TMEM196: variants seen among roughly 807,000 people sequenced by gnomAD.
The protein encoded by TMEM196 is transmembrane protein 196.
In TMEM196, 17 loss-of-function variants were observed where a neutral mutation model predicts 20.0. The ratio of observed to expected loss-of-function variants is 0.85; its 90% CI spans 0.58 to 1.27. The LOEUF is 1.27. Among genes scored for constraint, TMEM196 ranks in the 50% most tolerant of loss-of-function variants. The probability of loss-of-function intolerance (pLI) is 0.00; values close to 1 mark genes in which losing one functional copy is unlikely to be tolerated. For missense variants in TMEM196, 267 were observed against 223.0 expected (o/e 1.20, Z -1.26); for synonymous variants, 113 against 88.9 (o/e 1.27, Z -1.52).
chr7:19,734,853 T>C (rs1313633200), intron 1 of TMEM196, among the ~76,000 whole-genome samples: 4 of 152,074 alleles, frequency 2.6e-5, no homozygotes, highest in Non-Finnish European at 5.9e-5. Context: ...CTCAAAAATA[T>C]TATTCCACAT....
chr7:19,760,325 A>G lies in TMEM196; in HGVS notation c.147+12225T>C, dbSNP rs537008828. On this transcript the variant is annotated intron_variant, in intron 1 of 4. Transcript: ENST00000405844. ...TTCCCACTGTTAAGAAAGTTATTTT[A>G]TATTCTTCATAAGCCTATATATTTT... Among the ~76,000 whole-genome samples, 11 of 107,786 alleles carry G rather than the reference A, an allele frequency of 1.0e-4. No individual in the cohort carries two copies. The South Asian group carries it at 3.4e-3, about 34-fold the overall frequency. 70.7% of individuals were successfully genotyped at this position (107,786 alleles called of 152,430 possible).
intron 1 of TMEM196, among the ~76,000 whole-genome samples, chr7:19,746,697 A>T (rs774126514): frequency 1.3e-5 from 2 of 152,232 alleles, no homozygotes; most frequent in East Asian, 1.9e-4. Context: ...ATCATAGCAG[A>T]TAACTCTTTA....
At chr7:19,733,159 C>T (rs566805981) in intron 1 of TMEM196, among the ~76,000 whole-genome samples, 1 of 152,104 alleles carries the variant, frequency 6.6e-6, no homozygotes, top group African/African-American at 2.4e-5. Context: ...TCATTTGATT[C>T]CAATTTAGAT....
rs989963509 is a variant in TMEM196 at position 19,765,959 on chromosome 7, C to T, written c.147+6591G>A. Among the ~76,000 whole-genome samples, 2 of 152,028 alleles carry T rather than the reference C, an allele frequency of 1.3e-5. 1 individual carries two copies. The highest frequency in any genetic ancestry group is 4.2e-4 in the South Asian group (2 of 4,818). On this transcript the variant is annotated intron_variant, in intron 1 of 4. Coordinates refer to ENST00000405844, the MANE Select transcript of TMEM196 (RefSeq NM_001363562.2). ...GAGCATCACTAGTGGACTCTAGGTC[C>T]TAGGGAGGCAAGGAGCAGCACAGGC...
At chr7:19,741,063 C>G (rs1360611422) in intron 1 of TMEM196, among the ~76,000 whole-genome samples, 9 of 152,098 alleles carry the variant, frequency 5.9e-5, no homozygotes, top group Non-Finnish European at 1.2e-4. Flanking sequence ...TTTTGTAAAG[C>G]ATTTTGATAG....
At chr7:19,751,666 CT>C (rs1562621441) in intron 1 of TMEM196, among the ~76,000 whole-genome samples, 1 of 152,114 alleles carries the variant, frequency 6.6e-6, no homozygotes, top group Non-Finnish European at 1.5e-5. Flanking sequence ...ATAAATGGAG[CT>C]GTTAATAATT....
rs760751125 is a variant in TMEM196 at position 19,748,893 on chromosome 7, CAT to C, written c.148-19457_148-19456del. 5.3e-5 allele frequency among the ~76,000 whole-genome samples: 8 copies of C among 152,104 alleles called. No individual in the cohort carries two copies. The South Asian group carries it at 1.0e-3, about 20-fold the overall frequency. ...ATTCCTTAAAATCATGTTTTCTTAG[CAT>C]ATGTTAGGTCACAATAAAATGTTTA... is the stretch of plus-strand genomic sequence containing the variant. On this transcript the variant is annotated intron_variant, in intron 1 of 4. Coordinates refer to ENST00000405844, the MANE Select transcript of TMEM196 (RefSeq NM_001363562.2).
chr7:19,725,822 A>G (rs769351341), intron 2 of TMEM196, 54 bp from the exon 3 acceptor site: 19 of 1,529,742 alleles, frequency 1.2e-5, no homozygotes, highest in East Asian at 2.3e-5. Flanking sequence ...CCTGACCAGA[A>G]CACAGTTGCC....
At chr7:19,746,539 G>A (rs1443171504) in intron 1 of TMEM196, among the ~76,000 whole-genome samples, 1 of 152,146 alleles carries the variant, frequency 6.6e-6, no homozygotes. Context: ...AGTGTCCTGG[G>A]ATATTTATTG....
chr7:19,759,355 C>T (rs375760247), intron 1 of TMEM196, among the ~76,000 whole-genome samples: 1 of 152,292 alleles, frequency 6.6e-6, no homozygotes, highest in Admixed American at 6.5e-5. Context: ...CCAAACTTCT[C>T]AGTACCTTTT....
intron 1 of TMEM196, among the ~76,000 whole-genome samples, chr7:19,755,230 G>T (rs1344738075): frequency 6.6e-6 from 1 of 152,124 alleles, no homozygotes; most frequent in African/African-American, 2.4e-5. Flanking sequence ...TAACACTGAT[G>T]CCCTGATCAT....
At chr7:19,724,396 A>G (rs1360823396) in intron 3 of TMEM196, 43 bp from the exon 4 acceptor site, 3 of 1,524,974 alleles carry the variant, frequency 2.0e-6, no homozygotes, top group Non-Finnish European at 2.7e-6. Flanking sequence ...TTGCACAAAT[A>G]TATACAGAAA....
rs1199113245 is a variant in TMEM196 at position 19,773,001 on chromosome 7, G to GGAGGAGCCCAGGGAGC, written c.-321_-306dup. On this transcript the variant is annotated 5_prime_UTR_variant, in exon 1 of 5. Coordinates refer to ENST00000405844, the MANE Select transcript of TMEM196 (RefSeq NM_001363562.2). The stretch of plus-strand genomic sequence containing the variant: ...GGGGCTTTTAAGCAGCGGAAAACCT[G>GGAGGAGCCCAGGGAGC]GAGGAGCCCAGGGAGCTCCGAGCCT... 3 of 242,338 alleles carry GGAGGAGCCCAGGGAGC rather than the reference G, an allele frequency of 1.2e-5. No homozygotes were observed. In the East Asian group the frequency reaches 2.3e-4, roughly 19 times the overall value. The allele number at this position is 242,338 out of a possible 1,614,324, so 15.0% of individuals were successfully genotyped here. A position where few individuals can be genotyped will look rare whatever the true frequency, so the allele number is the denominator to read the frequency against.
intron 4 of TMEM196, among the ~76,000 whole-genome samples, chr7:19,722,821 C>G (rs565880143): frequency 8.9e-4 from 136 of 152,150 alleles, no homozygotes; most frequent in African/African-American, 2.9e-3. Context: ...ATATGAAATA[C>G]ATTATGAAAA....
intron 3 of TMEM196, 108 bp from the exon 4 acceptor site, chr7:19,724,461 A>G (rs1387041640): frequency 2.1e-6 from 2 of 936,390 alleles, no homozygotes; most frequent in South Asian, 1.6e-5. Flanking sequence ...TCATATATAC[A>G]TATAAAATGG....
At chr7:19,742,510 T>G (rs17452574) in intron 1 of TMEM196, among the ~76,000 whole-genome samples, 3,718 of 152,206 alleles carry the variant, frequency 0.024, 70 homozygotes, top group Middle Eastern at 0.065. Context: ...TCACTGAAAG[T>G]AAAGAGACAT....
chr7:19,737,377 G>T (rs771152255), intron 1 of TMEM196, among the ~76,000 whole-genome samples: 4 of 151,964 alleles, frequency 2.6e-5, no homozygotes, highest in African/African-American at 4.8e-5. Flanking sequence ...AATAGAAAAT[G>T]GTGTAGCCAC....
At chr7:19,740,770 T>A (rs1784557258) in intron 1 of TMEM196, among the ~76,000 whole-genome samples, 1 of 152,134 alleles carries the variant, frequency 6.6e-6, no homozygotes, top group Non-Finnish European at 1.5e-5. Context: ...CATGTGGAAT[T>A]GAAATGAATT....
chr7:19,746,229 C>G (rs774779892), intron 1 of TMEM196, among the ~76,000 whole-genome samples: 4 of 152,192 alleles, frequency 2.6e-5, no homozygotes, highest in African/African-American at 7.2e-5. Flanking sequence ...CTGTCCACAA[C>G]ATAGCTTAAG....
Sources: gnomAD v4.1 joint callset for allele counts (sites outside exome capture counted in the v4.1 genomes callset) on GRCh38, gnomAD v4.1.1 for gene constraint, MANE v1.5 for transcripts, NCBI Gene and HGNC (gene_info 2026-07-23, HGNC 2026-07-21) for gene names.